Variants in FAM184B observed in about 807,000 individuals in gnomAD.
The protein encoded by FAM184B is family with sequence similarity 184 member B.
Under a neutral mutation model 135.9 loss-of-function variants are expected in FAM184B, and 111 were observed. That is an observed-to-expected ratio of 0.82 (90% CI 0.70 to 0.96). The LOEUF (loss-of-function observed/expected upper bound fraction) is 0.96, where lower values mean the gene tolerates loss of function less well. FAM184B is among the 40% of genes least tolerant of loss of function. The pLI, the probability that FAM184B is intolerant of heterozygous loss-of-function variation, is 0.00. For missense variants in FAM184B, 1,375 were observed against 1,323.9 expected (o/e 1.04, Z -0.60); for synonymous variants, 552 against 524.8 (o/e 1.05, Z -0.71).
chr4:17,738,878 C>T (rs2108981998), intron 1 of FAM184B, among the ~76,000 whole-genome samples: 1 of 152,250 alleles, frequency 6.6e-6, no homozygotes, highest in East Asian at 1.9e-4. Context: ...TCAGCCCCTC[C>T]CTTCTCACTC....
chr4:17,670,468 C>G (rs1716144165), intron 7 of FAM184B, among the ~76,000 whole-genome samples: 1 of 152,138 alleles, frequency 6.6e-6, no homozygotes, highest in Non-Finnish European at 1.5e-5. Flanking sequence ...CAAATGTACT[C>G]TGAGACAACA....
chr4:17,771,572 G>A (rs907729424), intron 1 of FAM184B, among the ~76,000 whole-genome samples: 4 of 152,168 alleles, frequency 2.6e-5, no homozygotes, highest in African/African-American at 9.7e-5. Flanking sequence ...CCCCAAACAA[G>A]CTCCTGCAAG....
At chr4:17,760,079 T>TCA (rs1718511430) in intron 1 of FAM184B, among the ~76,000 whole-genome samples, 1 of 152,090 alleles carries the variant, frequency 6.6e-6, no homozygotes, top group Non-Finnish European at 1.5e-5. Flanking sequence ...GACATACAAA[T>TCA]TATCACCTGA....
At chr4:17,779,093 T>G (rs16895705) in intron 1 of FAM184B, among the ~76,000 whole-genome samples, 37,838 of 152,060 alleles carry the variant, frequency 0.25, 5,027 homozygotes, top group South Asian at 0.39. Flanking sequence ...GTGGAATATG[T>G]ATCACTTTAC....
At chr4:17,730,577 C>A (rs1717753798) in intron 1 of FAM184B, among the ~76,000 whole-genome samples, 1 of 152,192 alleles carries the variant, frequency 6.6e-6, no homozygotes, top group Admixed American at 6.5e-5. Context: ...TTCGCAGAAA[C>A]TCTACAAGCC....
chr4:17,739,725 T>G (rs946323412), intron 1 of FAM184B, among the ~76,000 whole-genome samples: 27 of 151,748 alleles, frequency 1.8e-4, no homozygotes, highest in African/African-American at 6.3e-4. Context: ...CAACTAATTT[T>G]TGTATTTTTA....
chr4:17,634,915 C>A, intron 16 of FAM184B, 94 bp downstream of exon 16: 2 of 759,354 alleles, frequency 2.6e-6, no homozygotes, highest in East Asian at 2.9e-5. Flanking sequence ...TTTTTCTGAG[C>A]GTACACCAGC....
chr4:17,702,572 G>T (rs1240702842), intron 5 of FAM184B, among the ~76,000 whole-genome samples: 1 of 152,130 alleles, frequency 6.6e-6, no homozygotes, highest in Non-Finnish European at 1.5e-5. Context: ...TCTATTTTTA[G>T]TCCATAAACC....
intron 12 of FAM184B, among the ~76,000 whole-genome samples, chr4:17,647,304 G>A (rs1560166857): frequency 6.8e-6 from 1 of 147,278 alleles, no homozygotes; most frequent in African/African-American, 2.5e-5. Flanking sequence ...CCAGGCTAGA[G>A]TACTGTGGCA....
At chr4:17,744,942 C>T (rs758503434) in intron 1 of FAM184B, among the ~76,000 whole-genome samples, 14 of 152,134 alleles carry the variant, frequency 9.2e-5, no homozygotes, top group Non-Finnish European at 1.9e-4. Context: ...GGCAGTAGGA[C>T]GCATGTCAGG....
chr4:17,698,850 A>G (rs945082360), intron 5 of FAM184B, among the ~76,000 whole-genome samples: 3 of 152,214 alleles, frequency 2.0e-5, no homozygotes, highest in Non-Finnish European at 2.9e-5. Flanking sequence ...AAAGAGGACA[A>G]CAAAAACTAG....
chr4:17,751,864 C>CACACACACACAA (rs1178825134), intron 1 of FAM184B, among the ~76,000 whole-genome samples: 1 of 146,196 alleles, frequency 6.8e-6, no homozygotes, highest in Admixed American at 6.8e-5. Flanking sequence ...CACACACACA[C>CACACACACACAA]ACAAAAGAAC....
At chr4:17,680,593 A>T (rs1262517914) in intron 7 of FAM184B, among the ~76,000 whole-genome samples, 1 of 152,148 alleles carries the variant, frequency 6.6e-6, no homozygotes. Flanking sequence ...GAGTTGTTCA[A>T]CCCAATTCCT....
chr4:17,699,136 T>G (rs1716928040), intron 5 of FAM184B, among the ~76,000 whole-genome samples: 1 of 152,020 alleles, frequency 6.6e-6, no homozygotes, highest in East Asian at 1.9e-4. Context: ...ACTGAATGGG[T>G]TTTTAAAAAG....
rs1322624770 is a variant in FAM184B at position 17,647,654 on chromosome 4, G to T, written c.2329C>A (p.His777Asn). 2 of 1,550,378 alleles carry T rather than the reference G, an allele frequency of 1.3e-6. No homozygotes were observed. The highest frequency in any genetic ancestry group is 1.4e-5 in the African/African-American group (1 of 73,010). ...GCACTGACCTCTGTGGCGATTATGT[G>T]ATCCTTGCTGTCTCCTGGACACTGG... ...SSQCPGDSKD[H>N]IIATEERGGP... The change falls in exon 12 of 18, where the codon CAC becomes AAC. Residue 777 changes from histidine (H) to asparagine (N), a missense_variant. By Grantham distance (68) the His-to-Asn change is moderately conservative. Transcript: ENST00000265018.
At chr4:17,718,509 A>G (rs1560184651) in intron 1 of FAM184B, among the ~76,000 whole-genome samples, 1 of 152,202 alleles carries the variant, frequency 6.6e-6, no homozygotes. Context: ...TCCGTATAAT[A>G]ATCTTCGCCC....
At chr4:17,736,416 G>A (rs923316665) in intron 1 of FAM184B, among the ~76,000 whole-genome samples, 5 of 152,140 alleles carry the variant, frequency 3.3e-5, no homozygotes, top group Non-Finnish European at 7.4e-5. Context: ...TATGTGATTC[G>A]TAAGGTTCAG....
At chr4:17,694,574 T>G (rs778348915) in intron 5 of FAM184B, among the ~76,000 whole-genome samples, 3 of 152,106 alleles carry the variant, frequency 2.0e-5, no homozygotes, top group Non-Finnish European at 4.4e-5. Flanking sequence ...TCTAGCTTAA[T>G]TTCTGTGGAA....
At chr4:17,638,626 A>G (rs1715218319) in intron 14 of FAM184B, among the ~76,000 whole-genome samples, 1 of 152,206 alleles carries the variant, frequency 6.6e-6, no homozygotes, top group South Asian at 2.1e-4. Flanking sequence ...TGGGTCCTTA[A>G]CAATTATTTG....
Sources: allele counts gnomAD v4.1 joint callset (sites outside exome capture counted in the v4.1 genomes callset), GRCh38; gene constraint gnomAD v4.1.1; transcripts MANE v1.5; gene names NCBI Gene and HGNC (gene_info 2026-07-23, HGNC 2026-07-21).